DCC: variants seen among roughly 807,000 people sequenced by gnomAD.
DCC encodes the protein netrin receptor DCC.
In DCC, 58 loss-of-function variants were observed where a neutral mutation model predicts 172.5. That is an observed-to-expected ratio of 0.34 (90% CI 0.27 to 0.42). DCC has a LOEUF of 0.42. Among genes scored for constraint, DCC ranks in the 10% least tolerant of loss-of-function variants. The pLI is 1.00. For synonymous variants in DCC, 709 were observed against 644.5 expected, an observed-to-expected ratio of 1.10 and a Z score of -1.52; for missense variants, 1,740 against 1,791.0, an observed-to-expected ratio of 0.97 and a Z score of 0.51.
At chr18:52,532,190 T>C (rs549551581) in intron 1 of DCC, among the ~76,000 whole-genome samples, 74 of 152,296 alleles carry the variant, frequency 4.9e-4, no homozygotes, top group Middle Eastern at 3.4e-3. Context: ...TAGTTTCTTC[T>C]ATTATAGGAA....
intron 1 of DCC, among the ~76,000 whole-genome samples, chr18:52,416,759 A>G (rs1400339192): frequency 6.6e-6 from 1 of 151,872 alleles, no homozygotes; most frequent in African/African-American, 2.4e-5. Flanking sequence ...TTTTGAGCCT[A>G]TGTGTGTCTC....
intron 5 of DCC, among the ~76,000 whole-genome samples, chr18:52,929,362 C>G (rs928604292): frequency 6.6e-6 from 1 of 151,826 alleles, no homozygotes; most frequent in African/African-American, 2.4e-5. Context: ...TATTTTTAAT[C>G]TTACTGAAAC....
At chr18:53,264,854 T>C (rs993726482) in intron 12 of DCC, among the ~76,000 whole-genome samples, 1 of 152,168 alleles carries the variant, frequency 6.6e-6, no homozygotes, top group Non-Finnish European at 1.5e-5. Flanking sequence ...CTTCACATCC[T>C]GAAAACAAAT....
chr18:53,112,463 T>G (rs150243150), intron 7 of DCC, among the ~76,000 whole-genome samples: 1 of 151,538 alleles, frequency 6.6e-6, no homozygotes, highest in Non-Finnish European at 1.5e-5. Context: ...ATATAATAAA[T>G]GGCAGCTTCT....
chr18:52,782,847 CT>C (rs1215928781), intron 2 of DCC, among the ~76,000 whole-genome samples: 1 of 152,072 alleles, frequency 6.6e-6, no homozygotes, highest in Non-Finnish European at 1.5e-5. Flanking sequence ...CCATTATACT[CT>C]TCGTATAAAC....
At chr18:53,017,165 T>C (rs1320305425) in intron 5 of DCC, among the ~76,000 whole-genome samples, 1 of 149,564 alleles carries the variant, frequency 6.7e-6, no homozygotes, top group African/African-American at 2.5e-5. Context: ...AAGCTCCGCC[T>C]CCCGGGTTCA....
At chr18:52,632,464 C>T (rs893091685) in intron 1 of DCC, among the ~76,000 whole-genome samples, 1 of 152,130 alleles carries the variant, frequency 6.6e-6, no homozygotes, top group African/African-American at 2.4e-5. Context: ...GAATCTGGTC[C>T]CCACTGGGAT....
intron 5 of DCC, among the ~76,000 whole-genome samples, chr18:52,960,809 C>T (rs979395913): frequency 2.0e-5 from 3 of 152,104 alleles, no homozygotes; most frequent in Admixed American, 6.6e-5. Context: ...TGTTCAAAAT[C>T]AAGACCTTAT....
At chr18:52,399,556 C>G (rs1986358759) in intron 1 of DCC, among the ~76,000 whole-genome samples, 1 of 151,892 alleles carries the variant, frequency 6.6e-6, no homozygotes, top group South Asian at 2.1e-4. Context: ...TTATAAGTCC[C>G]TAAAAATCTA....
intron 5 of DCC, among the ~76,000 whole-genome samples, chr18:53,021,250 A>G (rs2041878143): frequency 1.3e-5 from 2 of 152,314 alleles, no homozygotes; most frequent in South Asian, 2.1e-4. Context: ...CTTGTAGGTC[A>G]GTGTTCTAAC....
chr18:53,407,292 T>A (rs997668919), intron 19 of DCC, among the ~76,000 whole-genome samples: 1 of 151,828 alleles, frequency 6.6e-6, no homozygotes, highest in Non-Finnish European at 1.5e-5. Context: ...ACTTACAGGC[T>A]AAAGGATTTC....
chr18:53,110,788 T>G (rs7241743), intron 7 of DCC, among the ~76,000 whole-genome samples: 59,188 of 121,556 alleles, frequency 0.49, 15,037 homozygotes, highest in African/African-American at 0.57. Context: ...GGAACACTTT[T>G]ACACTGTTGG....
intron 12 of DCC, among the ~76,000 whole-genome samples, chr18:53,278,783 C>A (rs1398806327): frequency 6.6e-6 from 1 of 152,096 alleles, no homozygotes; most frequent in Non-Finnish European, 1.5e-5. Context: ...CTCATTTGAT[C>A]CTCACAACAC....
intron 1 of DCC, among the ~76,000 whole-genome samples, chr18:52,640,328 C>T (rs1212254575): frequency 6.6e-6 from 1 of 152,132 alleles, no homozygotes; most frequent in Non-Finnish European, 1.5e-5. Context: ...CTCATGACCC[C>T]TCTTCAACAT....
At chr18:53,306,260 A>C (rs1411180429) in intron 13 of DCC, among the ~76,000 whole-genome samples, 1 of 152,224 alleles carries the variant, frequency 6.6e-6, no homozygotes, top group East Asian at 1.9e-4. Flanking sequence ...GTTTGCATGT[A>C]AAGAATATAT....
rs145518254 is a variant in DCC, at chr18:52,794,686, G to C, written c.412+42312G>C. 5.3e-5 allele frequency among the ~76,000 whole-genome samples: 8 copies of C among 152,190 alleles called. No homozygotes were observed. The East Asian group carries it at 1.5e-3, about 29-fold the overall frequency. On this transcript the variant is annotated intron_variant, in intron 2 of 28. Coordinates refer to ENST00000442544, the MANE Select transcript of DCC (RefSeq NM_005215.4). Reference sequence around the variant, plus strand: ...CAGTACTATGCTGAATAAATGTGGTGAAAGTGGGCATCCTTGTCTTTTAGT... The same window carrying C: ...CAGTACTATGCTGAATAAATGTGGTCAAAGTGGGCATCCTTGTCTTTTAGT...
chr18:52,974,924 G>A (rs899063835), intron 5 of DCC, among the ~76,000 whole-genome samples: 7 of 152,084 alleles, frequency 4.6e-5, no homozygotes, highest in East Asian at 1.9e-4. Flanking sequence ...CATTTATTAC[G>A]GATATGTTAA....
intron 8 of DCC, among the ~76,000 whole-genome samples, chr18:53,169,090 G>T (rs561762314): frequency 6.6e-6 from 1 of 152,338 alleles, no homozygotes; most frequent in South Asian, 2.1e-4. Flanking sequence ...TACTCTACCA[G>T]AATTAGATCT....
intron 16 of DCC, among the ~76,000 whole-genome samples, chr18:53,389,049 G>A (rs1908372760): frequency 6.6e-6 from 1 of 152,244 alleles, no homozygotes; most frequent in African/African-American, 2.4e-5. Context: ...CTTCCAAAAT[G>A]CTGGGTTTAC....
Sources: gnomAD v4.1 joint callset for allele counts (sites outside exome capture counted in the v4.1 genomes callset) on GRCh38, gnomAD v4.1.1 for gene constraint, MANE v1.5 for transcripts, NCBI Gene and HGNC (gene_info 2026-07-23, HGNC 2026-07-21) for gene names.